DTHD1: variants seen among roughly 807,000 people sequenced by gnomAD.
DTHD1 encodes the protein death domain containing 1, also known as death domain-containing protein 1.
In DTHD1, 59 loss-of-function variants were observed where a neutral mutation model predicts 74.8. The observed-to-expected ratio is 0.79, with a 90% CI of 0.64 to 0.98. The LOEUF (loss-of-function observed/expected upper bound fraction) is 0.98, where lower values mean the gene tolerates loss of function less well. DTHD1 is among the 50% of genes least tolerant of loss of function. The pLI is 0.00. For missense variants in DTHD1, 1,051 were observed against 1,065.4 expected, an observed-to-expected ratio of 0.99 and a Z score of 0.19; for synonymous variants, 365 against 371.1, an observed-to-expected ratio of 0.98 and a Z score of 0.19.
intron 9 of DTHD1, among the ~76,000 whole-genome samples, chr4:36,339,531 C>T (rs753454633): frequency 6.6e-5 from 10 of 152,102 alleles, no homozygotes; most frequent in African/African-American, 1.7e-4. Flanking sequence ...TTCAAATCAA[C>T]GTTTGAAGTC....
chr4:36,303,822 C>A (rs1392254896), intron 5 of DTHD1, among the ~76,000 whole-genome samples: 1 of 152,180 alleles, frequency 6.6e-6, no homozygotes, highest in Non-Finnish European at 1.5e-5. Flanking sequence ...TAGGCTGCTT[C>A]TTGGTCATCC....
chr4:36,343,466 G>T, intron 9 of DTHD1, 36 bp from the exon 10 acceptor site: 1 of 1,529,122 alleles, frequency 6.5e-7, no homozygotes, highest in Non-Finnish European at 8.8e-7. Flanking sequence ...CCCAGGAGAG[G>T]GTCCTAACCG....
intron 8 of DTHD1, among the ~76,000 whole-genome samples, chr4:36,331,867 C>G (rs1307156690): frequency 1.3e-5 from 2 of 152,168 alleles, no homozygotes; most frequent in Non-Finnish European, 2.9e-5. Context: ...CACTAGAGTC[C>G]CCAAGAACTG....
In DTHD1 at chr4:36,290,410, G is replaced by C. The variant is rs781680006; in HGVS notation, c.925G>C (p.Val309Leu). 2 of 1,551,712 alleles carry C rather than the reference G, an allele frequency of 1.3e-6. No homozygotes were observed. Among genetic ancestry groups the C allele is most frequent in the South Asian group, 2.4e-5 (2 of 84,050 alleles). The change falls in exon 3 of 10, where the codon GTG becomes CTG. Residue 309 changes from valine to leucine, a missense_variant. By Grantham distance (32) the Val-to-Leu change is conservative (BLOSUM62 1). Transcript: ENST00000639862. ...GCTGAGTGATGTTACTGGCCCCCAAGTGTCTTGTTATATTACAGCACCATC... is the reference window on the plus strand; with the variant it reads ...GCTGAGTGATGTTACTGGCCCCCAACTGTCTTGTTATATTACAGCACCATC... ...DVLSDVTGPQ[V>L]SCYITAPSYV...
chr4:36,302,524 T>C (rs1756837110), intron 5 of DTHD1, among the ~76,000 whole-genome samples: 1 of 152,176 alleles, frequency 6.6e-6, no homozygotes. Flanking sequence ...GAGTTTGTCA[T>C]AAAATATGTC....
At chr4:36,342,918 C>CAAAAAAAAAAA (rs55956868) in intron 9 of DTHD1, among the ~76,000 whole-genome samples, 70 of 96,314 alleles carry the variant, frequency 7.3e-4, no homozygotes, top group Non-Finnish European at 1.0e-3. Flanking sequence ...ACTAAAAATA[C>CAAAAAAAAAAA]AAAAAAAAAA....
intron 5 of DTHD1, among the ~76,000 whole-genome samples, chr4:36,299,947 G>T (rs1756662567): frequency 6.6e-6 from 1 of 152,114 alleles, no homozygotes. Flanking sequence ...TCCAGCCTGG[G>T]TGACAGAGTG....
intron 8 of DTHD1, among the ~76,000 whole-genome samples, chr4:36,334,551 G>T (rs1467486248): frequency 6.6e-6 from 1 of 151,824 alleles, no homozygotes; most frequent in Non-Finnish European, 1.5e-5. Context: ...GTAGAGACAG[G>T]GTTTCACCAT....
chr4:36,307,076 G>A (rs537647860), intron 6 of DTHD1, among the ~76,000 whole-genome samples: 1 of 152,296 alleles, frequency 6.6e-6, no homozygotes, highest in East Asian at 1.9e-4. Flanking sequence ...TCCCCACATT[G>A]GTCAGTCCTT....
chr4:36,297,243 T>G (rs1756480825), intron 5 of DTHD1, among the ~76,000 whole-genome samples: 1 of 152,170 alleles, frequency 6.6e-6, no homozygotes, highest in African/African-American at 2.4e-5. Flanking sequence ...ACCTATGTTG[T>G]TCAAGGGCCA....
At position 36,290,662 on chromosome 4, in the gene DTHD1, C is replaced by G. The variant is rs746350889; in HGVS notation, c.1177C>G (p.Leu393Val). 1.8e-5 allele frequency: 28 copies of G among 1,544,820 alleles called. No homozygotes were observed. The highest frequency in any genetic ancestry group is 1.7e-4 in the Middle Eastern group (1 of 6,008). The change falls in exon 3 of 10, where the codon CTA (leucine) becomes GTA (valine). Residue 393 changes from leucine to valine, a missense_variant. Coordinates refer to ENST00000639862, the MANE Select transcript of DTHD1 (RefSeq NM_001170700.3). ...TGACATAAACCTTCAATCAAGTTAC[C>G]TAAACCCAAATTCACTAGAAGGAAT... ...VCDINLQSSY[L>V]NPNSLEGMKG... is the part of the protein sequence containing the mutation.
chr4:36,320,313 A>G (rs1164924190), intron 8 of DTHD1, among the ~76,000 whole-genome samples: 1 of 152,242 alleles, frequency 6.6e-6, no homozygotes, highest in Non-Finnish European at 1.5e-5. Context: ...CTGCGCAGGC[A>G]CAGACACTGT....
chr4:36,316,598 T>G, intron 8 of DTHD1, 112 bp downstream of exon 8: 1 of 1,124,866 alleles, frequency 8.9e-7, no homozygotes. Flanking sequence ...AAGGTAAGAA[T>G]AGAGGTAATA....
At chr4:36,295,169 AAG>A in intron 5 of DTHD1, 130 bp downstream of exon 5, 1 of 1,164,604 alleles carries the variant, frequency 8.6e-7, no homozygotes, top group Non-Finnish European at 1.1e-6. Context: ...TTAATCTAGA[AAG>A]AAGATATTGT....
At chr4:36,333,382 T>A (rs975001985) in intron 8 of DTHD1, 2 of 152,276 alleles carry the variant, frequency 1.3e-5, no homozygotes, top group Admixed American at 6.5e-5. Flanking sequence ...AGAAGGCCTA[T>A]TTTATTTAGT....
chr4:36,347,336 T>C lies in DTHD1; in HGVS notation c.*3512T>C, dbSNP rs11933219. 0.011 allele frequency among the ~76,000 whole-genome samples: 1,671 copies of C among 152,280 alleles called. 30 individuals are homozygous for C. Among genetic ancestry groups the C allele is most frequent in the African/African-American group, 0.038 (1,591 of 41,582 alleles). ...TGAAATTCATCCATTTTGCTGTGTG[T>C]GGCAATGGTTCATTCTCATTAATGT... On this transcript the variant is annotated 3_prime_UTR_variant, in exon 10 of 10. Coordinates refer to ENST00000639862, the MANE Select transcript of DTHD1 (RefSeq NM_001170700.3).
Position 36,284,482 on chromosome 4 carries a change from G to C in DTHD1, c.778G>C (p.Glu260Gln). ...AGAGACTTCAGAAAGCCCAAGAGAA[G>C]AGATGACCACATCCTCAATAATATG... ...IQETSESPREEMTTSSIICDI... is the reference protein window; with the variant it reads ...IQETSESPREQMTTSSIICDI... The change falls in exon 2 of 10, where the codon GAG becomes CAG. Residue 260 changes from glutamate (E) to glutamine (Q), a missense_variant. Glu to Gln is a conservative substitution (Grantham distance 29). Transcript: ENST00000639862. 1 of 1,537,084 alleles carries C rather than the reference G, an allele frequency of 6.5e-7. No homozygotes were observed. The highest frequency in any genetic ancestry group is 8.7e-7 in the Non-Finnish European group (1 of 1,146,792).
chr4:36,323,501 C>G (rs890102796), intron 8 of DTHD1, among the ~76,000 whole-genome samples: 1 of 150,246 alleles, frequency 6.7e-6, no homozygotes, highest in Non-Finnish European at 1.5e-5. Context: ...TCTACTCAGA[C>G]TTCTCAGTTG....
chr4:36,345,863 T>C lies in DTHD1; in HGVS notation c.*2039T>C, dbSNP rs1342652990. 1 of 152,434 alleles carries C rather than the reference T, an allele frequency of 6.6e-6. No individual in the cohort carries two copies. Among genetic ancestry groups the C allele is most frequent in the Non-Finnish European group, 1.5e-5 (1 of 68,030 alleles). The allele number at this position is 152,434 out of a possible 1,614,324, so 9.4% of individuals were successfully genotyped here. On this transcript the variant is annotated 3_prime_UTR_variant, in exon 10 of 10. Coordinates refer to ENST00000639862, the MANE Select transcript of DTHD1 (RefSeq NM_001170700.3). ...CTATTTCTATCGGTATAGATGTATC[T>C]AAGGACACTCACATATGTGTTCACC...
Sources: allele counts gnomAD v4.1 joint callset (sites outside exome capture counted in the v4.1 genomes callset), GRCh38; gene constraint gnomAD v4.1.1; transcripts MANE v1.5; gene names NCBI Gene and HGNC (gene_info 2026-07-23, HGNC 2026-07-21).